The following OPHN1 variants were observed in gnomAD, a reference collection of about 807,000 sequenced individuals.
The protein encoded by OPHN1 is oligophrenin-1.
A neutral mutation model predicts 60.7 loss-of-function variants in OPHN1; 11 were observed. That is an observed-to-expected ratio of 0.18 (90% CI 0.11 to 0.30). The LOEUF is 0.30. Ranked by LOEUF, OPHN1 falls within the 10% of genes least tolerant of loss-of-function variation. OPHN1 has a pLI of 1.00. For synonymous variants in OPHN1, 226 were observed against 222.6 expected (o/e 1.02, Z -0.14); for missense variants, 449 against 611.0 (o/e 0.73, Z 2.80).
chrX:68,311,757 G>A (rs1047202278), intron 2 of OPHN1, among the ~76,000 whole-genome samples: 3 of 111,590 alleles, frequency 2.7e-5, no homozygotes, highest in African/African-American at 6.5e-5. Context: ...TGATAAAACC[G>A]AAGGAAGAAA....
chrX:68,133,003 GCC>G (rs1341423567), intron 15 of OPHN1: 2 of 474,136 alleles, frequency 4.2e-6, no homozygotes, highest in Non-Finnish European at 7.6e-6. Context: ...CCAAGCCGCC[GCC>G]GCTTCAGACG....
chrX:68,197,318 G>A (rs1397939338), intron 11 of OPHN1, 54 bp from the exon 12 acceptor site: 2 of 941,135 alleles, frequency 2.1e-6, no homozygotes, highest in African/African-American at 3.9e-5. Flanking sequence ...TGAGAGAATG[G>A]AGTCTTGTGA....
At chrX:68,375,272 C>T (rs750393160) in intron 2 of OPHN1, among the ~76,000 whole-genome samples, 7 of 111,761 alleles carry the variant, frequency 6.3e-5, no homozygotes, top group African/African-American at 2.3e-4. Context: ...GCAGGAGGAT[C>T]ACTTGAGGCC....
At chrX:68,290,935 C>T (rs1042010632) in intron 3 of OPHN1, among the ~76,000 whole-genome samples, 1 of 111,446 alleles carries the variant, frequency 9.0e-6, no homozygotes, top group Non-Finnish European at 1.9e-5. Flanking sequence ...TATACGGAAG[C>T]TAATAATAAT....
intron 15 of OPHN1, among the ~76,000 whole-genome samples, chrX:68,123,057 TA>T (rs1243757721): frequency 9.1e-6 from 1 of 109,441 alleles, no homozygotes; most frequent in East Asian, 2.9e-4. Flanking sequence ...AGATCAAGGA[TA>T]AAAAAAGGAT....
chrX:68,236,239 T>C (rs1373425419), intron 5 of OPHN1, among the ~76,000 whole-genome samples: 2 of 111,214 alleles, frequency 1.8e-5, no homozygotes, highest in South Asian at 3.8e-4. Context: ...ACACAAAACA[T>C]AGGAAGGACA....
Position 68,043,227 on chromosome X carries a change from C to T in OPHN1, c.*3945G>A, listed in dbSNP as rs1359661939. On this transcript the variant is annotated 3_prime_UTR_variant, in exon 25 of 25. Transcript: ENST00000355520. Reference sequence around the variant, plus strand: ...CACACTCTGGGGACTGTGGTGGGGTCGGGGGAGGGGGGAGGGATAGCACTG... The same window carrying T: ...CACACTCTGGGGACTGTGGTGGGGTTGGGGGAGGGGGGAGGGATAGCACTG... 4 of 60,367 alleles carry T rather than the reference C, an allele frequency of 6.6e-5. No homozygotes were observed. The highest frequency in any genetic ancestry group is 1.4e-3 in the South Asian group (1 of 721). 5.0% of individuals were successfully genotyped at this position (60,367 alleles called of 1,213,427 possible). A position where few individuals can be genotyped will look rare whatever the true frequency, so the allele number is the denominator to read the frequency against.
intron 6 of OPHN1, among the ~76,000 whole-genome samples, chrX:68,225,253 C>T (rs2077684830): frequency 1.8e-5 from 2 of 112,028 alleles, no homozygotes; most frequent in African/African-American, 6.5e-5. Flanking sequence ...CCCACCACAG[C>T]TCAAGGAGAC....
chrX:68,351,883 T>C (rs1413615210), intron 2 of OPHN1, among the ~76,000 whole-genome samples: 3 of 78,312 alleles, frequency 3.8e-5, no homozygotes, highest in Middle Eastern at 6.0e-3. Context: ...CTTTTTTTTT[T>C]TTTTTTTTTT....
chrX:68,184,453 C>T (rs1296342016), intron 15 of OPHN1, among the ~76,000 whole-genome samples: 2 of 101,038 alleles, frequency 2.0e-5, no homozygotes, highest in Non-Finnish European at 2.0e-5. Flanking sequence ...ACCCAGGAGG[C>T]GGAGGCTGTG....
intron 2 of OPHN1, among the ~76,000 whole-genome samples, chrX:68,317,579 A>AAG (rs1166013032): frequency 1.1e-5 from 1 of 87,963 alleles, no homozygotes; most frequent in Non-Finnish European, 2.2e-5. Flanking sequence ...AAGAAAGAGA[A>AAG]AGAAAGAAAG....
At chrX:68,331,689 C>T (rs1281794461) in intron 2 of OPHN1, among the ~76,000 whole-genome samples, 1 of 104,147 alleles carries the variant, frequency 9.6e-6, no homozygotes, top group Non-Finnish European at 1.9e-5. Context: ...CAAGATCGCA[C>T]CACTGCATTC....
At chrX:68,223,139 A>T (rs1397810370) in intron 6 of OPHN1, among the ~76,000 whole-genome samples, 1 of 111,327 alleles carries the variant, frequency 9.0e-6, no homozygotes, top group Non-Finnish European at 1.9e-5. Context: ...AGATCTCTCA[A>T]ATAACTAAAA....
At chrX:68,385,915 G>T (rs2078622268) in intron 2 of OPHN1, among the ~76,000 whole-genome samples, 1 of 112,165 alleles carries the variant, frequency 8.9e-6, no homozygotes, top group Non-Finnish European at 1.9e-5. Flanking sequence ...TCTGCTGGTT[G>T]CATGTGTTTG....
intron 2 of OPHN1, among the ~76,000 whole-genome samples, chrX:68,333,943 C>T (rs67427778): frequency 5.8e-5 from 6 of 104,329 alleles, no homozygotes; most frequent in East Asian, 6.1e-4. Flanking sequence ...TCTGTCCCCA[C>T]GCTGGAATGC....
chrX:68,386,430 C>T (rs1335218435), intron 2 of OPHN1, among the ~76,000 whole-genome samples: 1 of 111,848 alleles, frequency 8.9e-6, no homozygotes, highest in East Asian at 2.8e-4. Flanking sequence ...ATGAATAAAC[C>T]TTTTCTTTTA....
intron 15 of OPHN1, among the ~76,000 whole-genome samples, chrX:68,120,081 A>C (rs1225008133): frequency 9.0e-6 from 1 of 111,427 alleles, no homozygotes; most frequent in Non-Finnish European, 1.9e-5. Context: ...GGGGGAAAAA[A>C]AATTCCTGAG....
chrX:68,262,184 A>C (rs4335282), intron 5 of OPHN1, among the ~76,000 whole-genome samples: 1 of 112,153 alleles, frequency 8.9e-6, no homozygotes, highest in South Asian at 3.7e-4. Flanking sequence ...ATGGAGAAAT[A>C]ATTTTTAAAC....
chrX:68,259,791 T>C (rs754463244), intron 5 of OPHN1, among the ~76,000 whole-genome samples: 17 of 111,406 alleles, frequency 1.5e-4, no homozygotes, highest in Non-Finnish European at 3.2e-4. Context: ...TTAACCAGTA[T>C]ATTATGTAAA....
Sources: gnomAD v4.1 joint callset for allele counts (sites outside exome capture counted in the v4.1 genomes callset) on GRCh38, gnomAD v4.1.1 for gene constraint, MANE v1.5 for transcripts, NCBI Gene and HGNC (gene_info 2026-07-23, HGNC 2026-07-21) for gene names.